The following SH2B1 variants were observed in gnomAD, a reference collection of about 807,000 sequenced individuals.
SH2B1 encodes SH2B adaptor protein 1.
In SH2B1, 15 loss-of-function variants were observed where a neutral mutation model predicts 62.6. That is an observed-to-expected ratio of 0.24 (90% CI 0.16 to 0.37). SH2B1 has a LOEUF of 0.37. SH2B1 is among the 10% of genes least tolerant of loss of function. The pLI is 1.00. For missense variants in SH2B1, 925 were observed against 1,015.6 expected (o/e 0.91, Z 1.21); for synonymous variants, 443 against 438.0 (o/e 1.01, Z -0.14).
intron 1 of SH2B1, among the ~76,000 whole-genome samples, chr16:28,852,209 TATATATATTTACATATATATTTAC>T (rs869029751): frequency 3.8e-5 from 3 of 78,816 alleles, no homozygotes; most frequent in Non-Finnish European, 6.6e-5. Flanking sequence ...TATATTTACA[TATATATATTTACATATATATTTAC>T]ATATATATAT....
At chr16:28,858,021 G>A (rs569723092) in intron 1 of SH2B1, among the ~76,000 whole-genome samples, 1 of 152,112 alleles carries the variant, frequency 6.6e-6, no homozygotes, top group African/African-American at 2.4e-5. Flanking sequence ...TTACAGGCGT[G>A]AGCCACCGCG....
At chr16:28,848,440 A>G (rs1385339064) in intron 1 of SH2B1, among the ~76,000 whole-genome samples, 1 of 151,192 alleles carries the variant, frequency 6.6e-6, no homozygotes, top group Non-Finnish European at 1.5e-5. Flanking sequence ...TCCGTCTCCA[A>G]AAAAAAAAAT....
chr16:28,863,704 C>T, upstream of SH2B1: 1 of 1,535,792 alleles, frequency 6.5e-7, no homozygotes, highest in South Asian at 1.2e-5. Context: ...CTACGAGATT[C>T]ACACCGTCTT....
chr16:28,867,743 C>T (rs888381555), intron 2 of SH2B1, among the ~76,000 whole-genome samples: 2 of 152,164 alleles, frequency 1.3e-5, no homozygotes, highest in South Asian at 2.1e-4. Flanking sequence ...CGTGTAGCCT[C>T]GAACTCCTGG....
chr16:28,869,108 T>C lies in SH2B1; in HGVS notation c.1133+11T>C. The C allele has an allele frequency of 6.2e-7, 1 of 1,614,010 alleles. No individual in the cohort carries two copies. The highest frequency in any genetic ancestry group is 1.1e-5 in the South Asian group (1 of 91,086). Reference sequence around the variant, plus strand: ...ATGCCTGAGCCCAGGGTGAGAAGCCTGACTTCTGTCGCTAAGGGACATAGA... The same window carrying C: ...ATGCCTGAGCCCAGGGTGAGAAGCCCGACTTCTGTCGCTAAGGGACATAGA... On this transcript the variant is annotated intron_variant, in intron 3 of 7. Coordinates refer to ENST00000684370, the MANE Select transcript of SH2B1 (RefSeq NM_001387430.1).
At chr16:28,869,622 C>T (rs1962921429) in intron 4 of SH2B1, among the ~76,000 whole-genome samples, 1 of 152,212 alleles carries the variant, frequency 6.6e-6, no homozygotes, top group Admixed American at 6.5e-5. Context: ...CTGCACCCAG[C>T]CTCGCCACTT....
upstream of SH2B1, among the ~76,000 whole-genome samples, chr16:28,859,267 G>A (rs559347563): frequency 6.6e-6 from 1 of 152,108 alleles, no homozygotes; most frequent in South Asian, 2.1e-4. Flanking sequence ...TTTATTTTAG[G>A]TTTGGGGATA....
In SH2B1 at chr16:28,864,203, G is replaced by A. The variant is rs1214243612; in HGVS notation, c.-1892G>A. 1 of 1,050,544 alleles carries A rather than the reference G, an allele frequency of 9.5e-7. No individual in the cohort carries two copies. Among genetic ancestry groups the A allele is most frequent in the African/African-American group, 1.7e-5 (1 of 58,100 alleles). 65.1% of individuals were successfully genotyped at this position (1,050,544 alleles called of 1,614,324 possible). On this transcript the variant is annotated 5_prime_UTR_variant, in exon 1 of 8. Coordinates refer to ENST00000684370, the MANE Select transcript of SH2B1 (RefSeq NM_001387430.1). Reference sequence around the variant, plus strand: ...ACCGGGCCCGGAGGGTCCGAGCCGAGAGCGGAGCCTGCACCCTCCACCTCC... The same window carrying A: ...ACCGGGCCCGGAGGGTCCGAGCCGAAAGCGGAGCCTGCACCCTCCACCTCC...
At chr16:28,861,439 AT>A (rs937603134), upstream of SH2B1, among the ~76,000 whole-genome samples, 48 of 94,882 alleles carry the variant, frequency 5.1e-4, no homozygotes, top group East Asian at 2.5e-3. Context: ...ATCTTAGAAC[AT>A]TTTTTTTTTT....
chr16:28,864,772 C>G lies in SH2B1; in HGVS notation c.-1323C>G. 2.0e-6 allele frequency: 1 copy of G among 501,168 alleles called. No individual in the cohort carries two copies. The highest frequency in any genetic ancestry group is 2.6e-6 in the Non-Finnish European group (1 of 387,868). 31.0% of individuals were successfully genotyped at this position (501,168 alleles called of 1,614,324 possible). ...CTAGTTGTAAGACCTTGAGAGGGCT[C>G]CTCCTTTCTCTAATTTCTATTTTAG... On this transcript the variant is annotated 5_prime_UTR_variant, in exon 1 of 8. Coordinates refer to ENST00000684370, the MANE Select transcript of SH2B1 (RefSeq NM_001387430.1).
At chr16:28,849,396 C>T (rs1962050085) in intron 1 of SH2B1, among the ~76,000 whole-genome samples, 1 of 152,148 alleles carries the variant, frequency 6.6e-6, no homozygotes, top group South Asian at 2.1e-4. Flanking sequence ...TGTGCCCAGC[C>T]TAAAAGGGTT....
Position 28,871,958 on chromosome 16 carries a change from C to G in SH2B1, c.1488C>G (p.Pro496=), listed in dbSNP as rs771883611. The G allele has an allele frequency of 1.9e-6, 3 of 1,608,992 alleles. No individual in the cohort carries two copies. The highest frequency in any genetic ancestry group is 2.6e-6 in the Non-Finnish European group (3 of 1,175,662). Residue 496 remains proline, a synonymous_variant, in exon 5 of 8, where the codon CCC becomes CCG. Transcript: ENST00000684370. ...ATCCCCTCTCAGCCCCCTACCCTCC[C>G]TTGGACACTCCGGAAACAGCCACAG... ...TVHPLSAPYP[P]LDTPETATGS...
chr16:28,868,907 T>G, intron 2 of SH2B1, 99 bp from the exon 3 acceptor site: 1 of 923,306 alleles, frequency 1.1e-6, no homozygotes, highest in South Asian at 1.3e-5. Flanking sequence ...TTCGAATGCA[T>G]CTTGTTTGTA....
chr16:28,856,272 C>CA (rs56248422), intron 1 of SH2B1, among the ~76,000 whole-genome samples: 5,946 of 97,210 alleles, frequency 0.061, 466 homozygotes, highest in African/African-American at 0.23. Context: ...GACTCCATCT[C>CA]AAAAAAAAAA....
chr16:28,855,647 A>ATTTTTTTT (rs370910681), intron 1 of SH2B1, among the ~76,000 whole-genome samples: 4 of 145,090 alleles, frequency 2.8e-5, no homozygotes, highest in East Asian at 2.0e-4. Context: ...TTATTTATTT[A>ATTTTTTTT]TTTTTTTTTT....
At chr16:28,861,376 C>T (rs1299545515), upstream of SH2B1, among the ~76,000 whole-genome samples, 1 of 151,988 alleles carries the variant, frequency 6.6e-6, no homozygotes, top group Non-Finnish European at 1.5e-5. Flanking sequence ...CATGATGCGC[C>T]CGCCTCAGCC....
chr16:28,863,881 G>T lies in SH2B1; in HGVS notation c.-2214G>T. On this transcript the variant is annotated 5_prime_UTR_variant, in exon 1 of 8. Coordinates refer to ENST00000684370, the MANE Select transcript of SH2B1 (RefSeq NM_001387430.1). ...CGCTCGTCGCGTAGTGGGTGGGGGC[G>T]CAGGGAGCGGGAGCCGCCGCCGCCG... 2 of 1,505,732 alleles carry T rather than the reference G, an allele frequency of 1.3e-6. No individual in the cohort carries two copies. The highest frequency in any genetic ancestry group is 1.8e-6 in the Non-Finnish European group (2 of 1,133,444). 93.3% of individuals were successfully genotyped at this position (1,505,732 alleles called of 1,614,324 possible).
chr16:28,868,970 C>T (rs750977491), intron 2 of SH2B1, 36 bp from the exon 3 acceptor site: 2 of 1,529,792 alleles, frequency 1.3e-6, no homozygotes, highest in Admixed American at 3.3e-5. Flanking sequence ...TCCTCCCTGC[C>T]CCTGCCCCAG....
intron 2 of SH2B1, among the ~76,000 whole-genome samples, chr16:28,867,835 T>G (rs1962808470): frequency 6.6e-6 from 1 of 152,142 alleles, no homozygotes. Flanking sequence ...ATTTTGTTAC[T>G]TACTTACATT....
Sources: gnomAD v4.1 joint callset for allele counts (sites outside exome capture counted in the v4.1 genomes callset) on GRCh38, gnomAD v4.1.1 for gene constraint, MANE v1.5 for transcripts, NCBI Gene and HGNC (gene_info 2026-07-23, HGNC 2026-07-21) for gene names.